ZFAND3: variants seen among roughly 807,000 people sequenced by gnomAD.
ZFAND3 encodes the protein zinc finger AN1-type containing 3.
A neutral mutation model predicts 29.6 loss-of-function variants in ZFAND3; 10 were observed. The observed-to-expected ratio is 0.34, with a 90% confidence interval of 0.21 to 0.57. The LOEUF (loss-of-function observed/expected upper bound fraction) is 0.57, where lower values mean the gene tolerates loss of function less well. Among genes scored for constraint, ZFAND3 ranks in the 20% least tolerant of loss-of-function variants. The pLI, the probability that ZFAND3 is intolerant of heterozygous loss-of-function variation, is 0.86. For synonymous variants in ZFAND3, 128 were observed against 112.6 expected (o/e 1.14, Z -0.87); for missense variants, 230 against 304.5 (o/e 0.76, Z 1.82).
At chr6:38,003,855 C>A in intron 2 of ZFAND3, 1 of 442,376 alleles carries the variant, frequency 2.3e-6, no homozygotes, top group Non-Finnish European at 4.5e-6. Context: ...CTTCTGCCTT[C>A]AGGGAACCCC....
chr6:37,939,226 G>A (rs1256828358), intron 2 of ZFAND3, among the ~76,000 whole-genome samples: 2 of 152,154 alleles, frequency 1.3e-5, no homozygotes, highest in African/African-American at 2.4e-5. Flanking sequence ...CAAGGTAATG[G>A]CAGGGTTGGT....
chr6:37,980,797 C>T (rs1762566022), intron 2 of ZFAND3, among the ~76,000 whole-genome samples: 2 of 152,244 alleles, frequency 1.3e-5, no homozygotes, highest in South Asian at 4.1e-4. Context: ...CATTTTTCAT[C>T]TCCCCTCAAA....
intron 2 of ZFAND3, among the ~76,000 whole-genome samples, chr6:37,950,950 G>A (rs1349000102): frequency 1.3e-5 from 2 of 152,164 alleles, no homozygotes; most frequent in Non-Finnish European, 1.5e-5. Flanking sequence ...TGTGTAAATT[G>A]CCTCGGGCCG....
At chr6:37,861,679 T>A (rs1764494472) in intron 1 of ZFAND3, among the ~76,000 whole-genome samples, 1 of 152,204 alleles carries the variant, frequency 6.6e-6, no homozygotes, top group Admixed American at 6.5e-5. Context: ...TCCATATATC[T>A]GGCTGCAAAT....
In ZFAND3 at chr6:37,875,996, C is replaced by T. The variant is rs180765929; in HGVS notation, c.72-53963C>T. Among the ~76,000 whole-genome samples the T allele has an allele frequency of 5.3e-5, 8 of 152,160 alleles. No homozygotes were observed. In the East Asian group the frequency reaches 1.5e-3, roughly 29 times the overall value. On this transcript the variant is annotated intron_variant, in intron 1 of 5. Coordinates refer to ENST00000287218, the MANE Select transcript of ZFAND3 (RefSeq NM_021943.3). ...AATATGTGAATGTTTTATATTTGAA[C>T]TTAGGAGATATATTTACCCTAAAAT...
At chr6:37,825,647 CTCCCACTCT>C (rs1200585516) in intron 1 of ZFAND3, among the ~76,000 whole-genome samples, 1 of 152,036 alleles carries the variant, frequency 6.6e-6, no homozygotes, top group Non-Finnish European at 1.5e-5. Context: ...CATTTACCGT[CTCCCACTCT>C]TCCAAAATAG....
intron 2 of ZFAND3, among the ~76,000 whole-genome samples, chr6:37,962,517 C>T (rs960474497): frequency 4.6e-5 from 7 of 152,196 alleles, no homozygotes; most frequent in Non-Finnish European, 7.4e-5. Context: ...GCTTCTGGAT[C>T]TGGTGGGGAC....
chr6:38,046,328 A>G (rs73419916), intron 2 of ZFAND3, among the ~76,000 whole-genome samples: 10,401 of 152,344 alleles, frequency 0.068, 427 homozygotes, highest in Non-Finnish European at 0.087. Flanking sequence ...GAATTTGCCT[A>G]TATCACATGC....
chr6:37,874,563 C>T (rs1764758695), intron 1 of ZFAND3, among the ~76,000 whole-genome samples: 1 of 150,412 alleles, frequency 6.6e-6, no homozygotes, highest in Non-Finnish European at 1.5e-5. Flanking sequence ...GGACACCAGT[C>T]ATATTGGATT....
In ZFAND3 at chr6:37,883,396, A is replaced by G. The variant is rs533518962; in HGVS notation, c.72-46563A>G. Among the ~76,000 whole-genome samples, 15 of 152,180 alleles carry G rather than the reference A, an allele frequency of 9.9e-5. No individual in the cohort carries two copies. The South Asian group carries it at 2.9e-3, about 29-fold the overall frequency. ...TATTGTCACAGTAAAGAGAATTAAC[A>G]TTGGATGGCCCCCACCCCCTACCCT... On this transcript the variant is annotated intron_variant, in intron 1 of 5. Coordinates refer to ENST00000287218, the MANE Select transcript of ZFAND3 (RefSeq NM_021943.3).
chr6:37,900,369 C>T (rs1765297649), intron 1 of ZFAND3, among the ~76,000 whole-genome samples: 3 of 152,156 alleles, frequency 2.0e-5, no homozygotes, highest in African/African-American at 7.2e-5. Context: ...TTGGAATAGG[C>T]TTGCAGAAGA....
intron 1 of ZFAND3, among the ~76,000 whole-genome samples, chr6:37,876,984 A>G (rs1489047192): frequency 6.6e-6 from 1 of 152,218 alleles, no homozygotes; most frequent in African/African-American, 2.4e-5. Context: ...GCCTGCAACA[A>G]TCATTTCCTT....
At chr6:37,839,892 G>A (rs1271748676) in intron 1 of ZFAND3, among the ~76,000 whole-genome samples, 1 of 152,056 alleles carries the variant, frequency 6.6e-6, no homozygotes, top group Non-Finnish European at 1.5e-5. Context: ...CCATTTTGTA[G>A]GTGGTGGTTT....
Position 38,119,658 on chromosome 6 carries a change from C to G in ZFAND3, c.529+2919C>G, listed in dbSNP as rs573495522. Among the ~76,000 whole-genome samples, 136 of 152,200 alleles carry G rather than the reference C, an allele frequency of 8.9e-4. 2 individuals carry two copies. Among genetic ancestry groups the G allele is most frequent in the African/African-American group, 3.2e-3 (132 of 41,436 alleles). ...AGGTGCCAATTAAAGGCAGGGAAGA[C>G]GCTCCAAAGGGAAGAGTGGCCAAGC... On this transcript the variant is annotated intron_variant, in intron 5 of 5. Coordinates refer to ENST00000287218, the MANE Select transcript of ZFAND3 (RefSeq NM_021943.3).
At chr6:38,144,184 A>AATATATATATATATATAT (rs1554183921) in intron 5 of ZFAND3, among the ~76,000 whole-genome samples, 2 of 42,544 alleles carry the variant, frequency 4.7e-5, no homozygotes, top group South Asian at 5.0e-4. Flanking sequence ...ATATATATAT[A>AATATATATATATATATAT]ATATATATAT....
intron 2 of ZFAND3, among the ~76,000 whole-genome samples, chr6:37,988,457 A>G (rs1430743329): frequency 6.6e-6 from 1 of 151,788 alleles, no homozygotes; most frequent in Non-Finnish European, 1.5e-5. Flanking sequence ...AAAAATTTTT[A>G]TTTTGTCTTT....
intron 2 of ZFAND3, among the ~76,000 whole-genome samples, chr6:37,933,917 C>T (rs1188004457): frequency 6.4e-5 from 7 of 109,052 alleles, no homozygotes; most frequent in Admixed American, 3.8e-4. Flanking sequence ...GACGGAGTTT[C>T]GCCCTTGTTG....
intron 4 of ZFAND3, among the ~76,000 whole-genome samples, chr6:38,097,110 T>C (rs901252203): frequency 6.6e-6 from 1 of 152,114 alleles, no homozygotes; most frequent in Non-Finnish European, 1.5e-5. Context: ...AGTCTCACTC[T>C]ATTCACCTAG....
chr6:38,085,841 C>T (rs1444595769), intron 4 of ZFAND3, among the ~76,000 whole-genome samples: 2 of 152,170 alleles, frequency 1.3e-5, no homozygotes, highest in Non-Finnish European at 2.9e-5. Context: ...AGGTTAATGA[C>T]TTCTTCAGTA....
Sources: allele counts gnomAD v4.1 joint callset (sites outside exome capture counted in the v4.1 genomes callset), GRCh38; gene constraint gnomAD v4.1.1; transcripts MANE v1.5; gene names NCBI Gene and HGNC (gene_info 2026-07-23, HGNC 2026-07-21).